Variants in GPHN observed in about 807,000 individuals in gnomAD.
The protein encoded by GPHN is gephyrin.
Under a neutral mutation model 95.5 loss-of-function variants are expected in GPHN, and 17 were observed. The ratio of observed to expected loss-of-function variants is 0.18; its 90% CI spans 0.12 to 0.27. The LOEUF (loss-of-function observed/expected upper bound fraction) is 0.27, where lower values mean the gene tolerates loss of function less well. GPHN is among the 10% of genes least tolerant of loss of function. The pLI, the probability that GPHN is intolerant of heterozygous loss-of-function variation, is 1.00. For missense variants in GPHN, 660 were observed against 978.1 expected (o/e 0.67, Z 4.34); for synonymous variants, 320 against 322.5 (o/e 0.99, Z 0.08).
At chr14:67,469,256 G>A in the GPHN span, among the ~76,000 whole-genome samples, 1 of 152,124 alleles carries the variant, frequency 6.6e-6, no homozygotes, top group East Asian at 1.9e-4. Context: ...AGCTGTGACA[G>A]GGGGCCCATG....
the GPHN span, among the ~76,000 whole-genome samples, chr14:67,193,136 AG>A: frequency 2.1e-5 from 3 of 144,236 alleles, no homozygotes; most frequent in East Asian, 6.4e-4. Flanking sequence ...ATCTCTATAT[AG>A]ACATCTATCT....
At chr14:67,707,616 A>G in the GPHN span, among the ~76,000 whole-genome samples, 1 of 152,262 alleles carries the variant, frequency 6.6e-6, no homozygotes, top group East Asian at 1.9e-4. Flanking sequence ...TTTAGTAGAG[A>G]TGGGATTTCA....
At chr14:67,702,136 T>C in the GPHN span, among the ~76,000 whole-genome samples, 2 of 151,792 alleles carry the variant, frequency 1.3e-5, no homozygotes, top group African/African-American at 4.8e-5. Context: ...ATTTAATATA[T>C]ATATATTTTT....
intron 1 of GPHN, among the ~76,000 whole-genome samples, chr14:66,569,671 A>T (rs1027639317): frequency 6.6e-6 from 1 of 152,064 alleles, no homozygotes; most frequent in Admixed American, 6.6e-5. Flanking sequence ...AAAAAAAAAA[A>T]AATTAAATTT....
chr14:67,329,454 T>C, the GPHN span, among the ~76,000 whole-genome samples: 1 of 152,196 alleles, frequency 6.6e-6, no homozygotes, highest in Non-Finnish European at 1.5e-5. Flanking sequence ...CTTTTCCTAA[T>C]TGAATACCCT....
chr14:67,652,502 T>C, the GPHN span: 1,757 of 167,542 alleles, frequency 0.01, 42 homozygotes, highest in African/African-American at 0.039. Context: ...TGGAATTCCA[T>C]TCTTCTCCTG....
chr14:67,376,400 C>G, the GPHN span: 1 of 1,537,650 alleles, frequency 6.5e-7, no homozygotes, highest in Non-Finnish European at 8.8e-7. Flanking sequence ...TTATAAATCT[C>G]TTATCTTTGA....
chr14:67,692,526 G>C, the GPHN span: 11 of 1,612,730 alleles, frequency 6.8e-6, 1 homozygote, highest in South Asian at 1.1e-4. Flanking sequence ...TCCCTGTCGT[G>C]GTCTGGATCT....
At chr14:67,468,036 C>T in the GPHN span, among the ~76,000 whole-genome samples, 4 of 152,008 alleles carry the variant, frequency 2.6e-5, no homozygotes, top group East Asian at 3.9e-4. Flanking sequence ...TGCAATGGTG[C>T]GATCTCGGCT....
the GPHN span, among the ~76,000 whole-genome samples, chr14:67,574,049 A>G: frequency 2.0e-5 from 3 of 152,204 alleles, no homozygotes; most frequent in African/African-American, 7.2e-5. This position sits in a 1 kb window ranked among gnomAD's most constrained non-coding sequence, Gnocchi z 4.2. Context: ...GGAAGATGAG[A>G]CAGAATATGA....
the GPHN span, chr14:67,397,920 G>T: frequency 1.0e-6 from 1 of 997,074 alleles, no homozygotes; most frequent in African/African-American, 1.6e-5. Flanking sequence ...TAACCAGACT[G>T]TGCTGTGGAA....
At chr14:66,565,869 GTA>G (rs2140317986) in intron 1 of GPHN, among the ~76,000 whole-genome samples, 1 of 152,078 alleles carries the variant, frequency 6.6e-6, no homozygotes, top group African/African-American at 2.4e-5. Flanking sequence ...AAATAGGTAA[GTA>G]TGTACTGGAG....
At chr14:67,676,525 T>G in the GPHN span, among the ~76,000 whole-genome samples, 1 of 151,980 alleles carries the variant, frequency 6.6e-6, no homozygotes, top group Admixed American at 6.5e-5. Context: ...GAGCCCAGAG[T>G]TTGAGGCCAG....
chr14:67,430,476 T>C, the GPHN span, among the ~76,000 whole-genome samples: 1 of 152,154 alleles, frequency 6.6e-6, no homozygotes, highest in Non-Finnish European at 1.5e-5. Context: ...GAAAGAGCCT[T>C]CCCACGTGGG....
the GPHN span, among the ~76,000 whole-genome samples, chr14:67,517,725 C>G: frequency 2.6e-5 from 4 of 152,114 alleles, no homozygotes; most frequent in African/African-American, 4.8e-5. Context: ...TAGTGCCTTA[C>G]AATTGACATA....
At chr14:67,231,399 T>C in the GPHN span, among the ~76,000 whole-genome samples, 1 of 152,144 alleles carries the variant, frequency 6.6e-6, no homozygotes, top group East Asian at 1.9e-4. Flanking sequence ...TGGGCTCAAG[T>C]GATCTTCCCA....
chr14:66,793,729 G>A (rs2060057164), intron 3 of GPHN, among the ~76,000 whole-genome samples: 1 of 152,030 alleles, frequency 6.6e-6, no homozygotes, highest in African/African-American at 2.4e-5. Context: ...ATGGAATTAA[G>A]TTCTGATAAG....
chr14:67,718,680 C>T, the GPHN span, among the ~76,000 whole-genome samples: 679 of 152,346 alleles, frequency 4.5e-3, 35 homozygotes, highest in East Asian at 0.1. Flanking sequence ...GTGTTTTCAT[C>T]TCTTTCTCTC....
chr14:67,180,774 TG>T, intron 22 of GPHN, 29 bp from the exon 23 acceptor site: 1 of 1,610,188 alleles, frequency 6.2e-7, no homozygotes, highest in Non-Finnish European at 8.5e-7. Flanking sequence ...ATGATGCTTA[TG>T]CTGCTGTAAT....
Sources: gnomAD v4.1 joint callset for allele counts (sites outside exome capture counted in the v4.1 genomes callset) on GRCh38, gnomAD v4.1.1 for gene constraint, Gnocchi (gnomAD v3.1) non-coding constraint, MANE v1.5 for transcripts, NCBI Gene and HGNC (gene_info 2026-07-23, HGNC 2026-07-21) for gene names.